PCDH15: variants seen among roughly 807,000 people sequenced by gnomAD.
PCDH15 encodes protocadherin related 15, also known as protocadherin-15.
Under a neutral mutation model 178.5 loss-of-function variants are expected in PCDH15, and 129 were observed. That is an observed-to-expected ratio of 0.72 (90% CI 0.63 to 0.84). PCDH15 has a LOEUF of 0.84. PCDH15 is among the 40% of genes least tolerant of loss of function. PCDH15 has a pLI of 0.00. For missense variants in PCDH15, 2,230 were observed against 2,099.9 expected (o/e 1.06, Z -1.21); for synonymous variants, 800 against 732.0 (o/e 1.09, Z -1.50).
chr10:54,952,378 C>T (rs888522471), intron 2 of PCDH15, among the ~76,000 whole-genome samples: 6 of 151,878 alleles, frequency 4.0e-5, no homozygotes, highest in Admixed American at 6.6e-5. Context: ...TGTGTTTCCA[C>T]CAATATCACA....
At chr10:55,502,783 C>T (rs1013102963) in intron 2 of PCDH15, among the ~76,000 whole-genome samples, 5 of 151,462 alleles carry the variant, frequency 3.3e-5, no homozygotes, top group East Asian at 1.9e-4. Flanking sequence ...GATATGAAAG[C>T]GTAGTGCATT....
intron 2 of PCDH15, among the ~76,000 whole-genome samples, chr10:54,571,406 T>A (rs1342002311): frequency 1.3e-5 from 2 of 150,570 alleles, no homozygotes; most frequent in East Asian, 4.0e-4. Context: ...GTCTTAAATA[T>A]AATGGGCTTT....
chr10:55,277,020 C>T (rs1842612661), intron 1 of PCDH15, among the ~76,000 whole-genome samples: 1 of 151,908 alleles, frequency 6.6e-6, no homozygotes, highest in Admixed American at 6.6e-5. Context: ...TTTGGAGGAT[C>T]TACAGATTTC....
Position 55,444,825 on chromosome 10 carries a change from T to A in PCDH15, c.-156+182800A>T, listed in dbSNP as rs544633662. Among the ~76,000 whole-genome samples, 356 of 152,248 alleles carry A rather than the reference T, an allele frequency of 2.3e-3. 2 individuals are homozygous for A. The highest frequency in any genetic ancestry group is 4.1e-3 in the Non-Finnish European group (278 of 67,994). On this transcript the variant is annotated intron_variant, in intron 2 of 5. Coordinates refer to the PCDH15 transcript ENST00000613346. ...TGATTAAAATTGACAAATTGTTGAA[T>A]CATAAATTAGCCACAAATATATTTG...
intron 2 of PCDH15, among the ~76,000 whole-genome samples, chr10:55,591,126 T>C (rs1842834921): frequency 6.6e-6 from 1 of 152,052 alleles, no homozygotes; most frequent in African/African-American, 2.4e-5. Flanking sequence ...AATTTACTTG[T>C]TTGGCACTCT....
At chr10:54,178,658 A>T (rs958660029) in intron 13 of PCDH15, among the ~76,000 whole-genome samples, 3 of 151,940 alleles carry the variant, frequency 2.0e-5, no homozygotes, top group African/African-American at 7.2e-5. Context: ...ACTCAACTTT[A>T]TGTGGGATTC....
intron 1 of PCDH15, among the ~76,000 whole-genome samples, chr10:55,256,040 A>G (rs561763657): frequency 1.1e-3 from 160 of 152,162 alleles, no homozygotes; most frequent in African/African-American, 3.8e-3. Flanking sequence ...TATGTCCTGA[A>G]TGGTATTGCC....
At chr10:53,973,383 A>G (rs1246546339) in intron 21 of PCDH15, among the ~76,000 whole-genome samples, 2 of 152,176 alleles carry the variant, frequency 1.3e-5, no homozygotes, top group Non-Finnish European at 2.9e-5. Flanking sequence ...TGGCACATGT[A>G]TACATATGTA....
intron 8 of PCDH15, among the ~76,000 whole-genome samples, chr10:54,298,925 A>C (rs2059966530): frequency 6.6e-6 from 1 of 152,234 alleles, no homozygotes; most frequent in South Asian, 2.1e-4. Flanking sequence ...TGCTTATCTA[A>C]TCCTACATGC....
Position 53,823,358 on chromosome 10 carries a change from A to T in PCDH15, c.4368-3128T>A, listed in dbSNP as rs140748627. 1.9e-6 allele frequency: 3 copies of T among 1,612,276 alleles called. No homozygotes were observed. In the African/African-American group the frequency reaches 4.0e-5, roughly 21 times the overall value. On this transcript the variant is annotated intron_variant, in intron 32 of 37. Transcript: ENST00000644397. ...GTTGAAAATGGTAGAGAAGGAAAAG[A>T]CTTGAAAGAAAAGAAGATAATGAAA...
rs1347306483 is a variant in PCDH15, at chr10:54,099,513, A to AAAAAAAAATAT, written c.1918-9451_1918-9450insATATTTTTTTT. ...GACTCCATCTCAAAAAAAAAAAAAAAATATATATATATATATATAAAACAA... is the reference window on the plus strand; with the variant it reads ...GACTCCATCTCAAAAAAAAAAAAAAAAAAAAAAATATATATATATATATATATATAAAACAA... On this transcript the variant is annotated intron_variant, in intron 15 of 37. Coordinates refer to ENST00000644397, the MANE Select transcript of PCDH15 (RefSeq NM_001384140.1). 2.4e-3 allele frequency among the ~76,000 whole-genome samples: 277 copies of AAAAAAAAATAT among 117,796 alleles called. 3 individuals are homozygous for AAAAAAAAATAT. Among genetic ancestry groups the AAAAAAAAATAT allele is most frequent in the East Asian group, 0.013 (50 of 3,914 alleles). 77.3% of individuals were successfully genotyped at this position (117,796 alleles called of 152,430 possible).
At chr10:55,619,573 T>C (rs2132168910) in intron 2 of PCDH15, among the ~76,000 whole-genome samples, 1 of 152,146 alleles carries the variant, frequency 6.6e-6, no homozygotes, top group Admixed American at 6.5e-5. Flanking sequence ...CTTTAGAAAA[T>C]ACTAGGAGTT....
chr10:55,172,141 T>C (rs553014663), intron 1 of PCDH15, among the ~76,000 whole-genome samples: 1 of 152,032 alleles, frequency 6.6e-6, no homozygotes, highest in South Asian at 2.1e-4. Context: ...CCATAAATAA[T>C]ATAAAATATA....
chr10:53,957,690 T>C (rs988948685), intron 23 of PCDH15, among the ~76,000 whole-genome samples: 2 of 152,046 alleles, frequency 1.3e-5, no homozygotes, highest in Admixed American at 1.3e-4. Context: ...ATTTTCCACT[T>C]AATATTTTCT....
At chr10:54,484,611 A>C (rs956790781) in intron 3 of PCDH15, among the ~76,000 whole-genome samples, 1 of 151,912 alleles carries the variant, frequency 6.6e-6, no homozygotes, top group South Asian at 2.1e-4. Flanking sequence ...ACATTAATGA[A>C]TTGAGATAAG....
At chr10:54,342,208 A>G (rs1311796979) in intron 6 of PCDH15, among the ~76,000 whole-genome samples, 6 of 152,202 alleles carry the variant, frequency 3.9e-5, no homozygotes, top group African/African-American at 1.2e-4. Context: ...TCTTCATGGC[A>G]GCCGCTCAAA....
At chr10:53,961,307 C>CA (rs910578484) in intron 22 of PCDH15, among the ~76,000 whole-genome samples, 8 of 151,320 alleles carry the variant, frequency 5.3e-5, no homozygotes, top group African/African-American at 1.9e-4. Context: ...TTTATTGTAA[C>CA]AAAAAATGGA....
At chr10:55,427,560 T>A (rs1356458382) in intron 2 of PCDH15, among the ~76,000 whole-genome samples, 1 of 152,144 alleles carries the variant, frequency 6.6e-6, no homozygotes, top group Non-Finnish European at 1.5e-5. Context: ...CCTACAAAGT[T>A]CAACTCAGGT....
intron 18 of PCDH15, among the ~76,000 whole-genome samples, chr10:54,054,665 C>A (rs1362915642): frequency 6.6e-6 from 1 of 152,034 alleles, no homozygotes; most frequent in African/African-American, 2.4e-5. Context: ...AAAATATATT[C>A]TTAAAATTTT....
Sources: gnomAD v4.1 joint callset for allele counts (sites outside exome capture counted in the v4.1 genomes callset) on GRCh38, gnomAD v4.1.1 for gene constraint, MANE v1.5 for transcripts, NCBI Gene and HGNC (gene_info 2026-07-23, HGNC 2026-07-21) for gene names.